RNF14: variants seen among roughly 807,000 people sequenced by gnomAD.
RNF14 encodes the protein ring finger protein 14.
RNF14 carries 26 observed loss-of-function variants against 52.6 expected under a neutral mutation model. That is an observed-to-expected ratio of 0.49 (90% CI 0.36 to 0.69). The LOEUF is 0.69. Among genes scored for constraint, RNF14 ranks in the 30% least tolerant of loss-of-function variants. The pLI is 0.00. For missense variants in RNF14, 404 were observed against 560.4 expected, an observed-to-expected ratio of 0.72 and a Z score of 2.82; for synonymous variants, 194 against 202.0, an observed-to-expected ratio of 0.96 and a Z score of 0.34.
At chr5:141,952,927 C>T in the RNF14 span, 1 of 152,230 alleles carries the variant, frequency 6.6e-6, no homozygotes, top group Non-Finnish European at 1.5e-5. Flanking sequence ...AAGTGTCAAC[C>T]TCAGAGGAGA....
chr5:141,970,552 C>T (rs1263353528), intron 1 of RNF14, 152 bp from the exon 2 acceptor site: 6 of 152,218 alleles, frequency 3.9e-5, no homozygotes, highest in African/African-American at 1.4e-4. Flanking sequence ...AACCACATGG[C>T]TCAGTTAGCC....
At chr5:141,984,675 T>C in intron 7 of RNF14, 128 bp from the exon 8 acceptor site, 3 of 754,234 alleles carry the variant, frequency 4.0e-6, no homozygotes, top group East Asian at 5.1e-5. Context: ...GTGTGTTACA[T>C]TGATATCTCA....
chr5:141,957,998 T>G (rs910227695), upstream of RNF14: 2 of 916,454 alleles, frequency 2.2e-6, no homozygotes, highest in East Asian at 5.2e-5. This position sits in a 1 kb window ranked among gnomAD's most constrained non-coding sequence, Gnocchi z 4.3. Flanking sequence ...GTTAGATGAT[T>G]ATGAAACAAG....
At chr5:141,956,102 A>G, upstream of RNF14, 1 of 1,614,114 alleles carries the variant, frequency 6.2e-7, no homozygotes, top group Non-Finnish European at 8.5e-7. Context: ...TGGCCTGTGG[A>G]GGCATTCACA....
In RNF14 at chr5:141,987,800, G is replaced by C. The variant is rs1451504877; in HGVS notation, c.*10G>C. 6.2e-7 allele frequency: 1 copy of C among 1,611,890 alleles called. No individual in the cohort carries two copies. Among genetic ancestry groups the C allele is most frequent in the Non-Finnish European group, 8.5e-7 (1 of 1,179,054 alleles). Reference sequence around the variant, plus strand: ...TGAGGTAGAAGACTAGTTAACTACTGCTCAAGATATGGAAGTGGATTGTTT... The same window carrying C: ...TGAGGTAGAAGACTAGTTAACTACTCCTCAAGATATGGAAGTGGATTGTTT... On this transcript the variant is annotated 3_prime_UTR_variant, in exon 9 of 9. Transcript: ENST00000394520.
At chr5:141,958,408 G>C (rs1325276356) in exon 1 of RNF14, 1 of 153,964 alleles carries the variant, frequency 6.5e-6, no homozygotes, top group Non-Finnish European at 1.4e-5. Flanking sequence ...GAGGGAAAGG[G>C]AGCCTCTGCA....
chr5:141,959,728 C>A (rs535518757), intron 1 of RNF14, among the ~76,000 whole-genome samples: 1 of 152,102 alleles, frequency 6.6e-6, no homozygotes, highest in Non-Finnish European at 1.5e-5. Flanking sequence ...TGAGGTTTCC[C>A]AACTATTTCA....
rs376623642 is a variant in RNF14, at chr5:141,978,678, C to G, written c.682C>G (p.Leu228Val). Residue 228 changes from leucine (L) to valine (V), a missense_variant, in exon 5 of 9, where the codon CTG (leucine) becomes GTG (valine). Coordinates refer to ENST00000394520, the MANE Select transcript of RNF14 (RefSeq NM_004290.5). ...GTGCAGTATCTGTTTCTGTGAGAAG[C>G]TGGGTAGTGAATGCATGTACTTCTT... ...FLCSICFCEKLGSECMYFLEC... is the reference protein window; with the variant it reads ...FLCSICFCEKVGSECMYFLEC... 5.6e-6 allele frequency: 9 copies of G among 1,613,974 alleles called. No homozygotes were observed. The highest frequency in any genetic ancestry group is 7.6e-6 in the Non-Finnish European group (9 of 1,179,870).
chr5:141,956,778 G>A, upstream of RNF14: 1 of 1,614,214 alleles, frequency 6.2e-7, no homozygotes, highest in South Asian at 1.1e-5. Flanking sequence ...GTGATGGCTG[G>A]GAGGCCCATG....
chr5:141,987,622 G>A lies in RNF14; in HGVS notation c.1368-111G>A, dbSNP rs1755355564. On this transcript the variant is annotated intron_variant, in intron 8 of 8. Coordinates refer to ENST00000394520, the MANE Select transcript of RNF14 (RefSeq NM_004290.5). ...CCTCAGTGCAATGATTAAAGGAGAA[G>A]AAAAGATGTACAAAGATGTTATAAG... 2.9e-6 allele frequency: 3 copies of A among 1,041,732 alleles called. No individual in the cohort carries two copies. The East Asian group carries it at 7.3e-5, about 25-fold the overall frequency. 64.5% of individuals were successfully genotyped at this position (1,041,732 alleles called of 1,614,324 possible). A position where few individuals can be genotyped will look rare whatever the true frequency, so the allele number is the denominator to read the frequency against.
At chr5:141,956,591 C>T (rs1339252501), upstream of RNF14, 2 of 1,614,104 alleles carry the variant, frequency 1.2e-6, no homozygotes, top group Non-Finnish European at 1.7e-6. Flanking sequence ...GGCCACTGCT[C>T]TCTGTCCAGT....
chr5:141,957,915 C>T, upstream of RNF14: 1 of 1,540,352 alleles, frequency 6.5e-7, no homozygotes, highest in Non-Finnish European at 8.7e-7. This position sits in a 1 kb window ranked among gnomAD's most constrained non-coding sequence, Gnocchi z 4.3. Flanking sequence ...GACAAGTCCT[C>T]CAGTGTTTCC....
At chr5:141,962,771 A>G (rs1443993818), upstream of RNF14, among the ~76,000 whole-genome samples, 1 of 152,232 alleles carries the variant, frequency 6.6e-6, no homozygotes, top group East Asian at 1.9e-4. Flanking sequence ...TAACCATAAC[A>G]TGGACCCAAA....
chr5:141,957,005 G>A, upstream of RNF14: 1 of 1,614,190 alleles, frequency 6.2e-7, no homozygotes, highest in Non-Finnish European at 8.5e-7. The surrounding 1 kb of genome is among the most constrained non-coding windows in gnomAD (Gnocchi z 4.3). Context: ...TGCTTACTGA[G>A]GAAGAACTCC....
At chr5:141,979,305 A>G (rs904155665) in intron 5 of RNF14, among the ~76,000 whole-genome samples, 1 of 152,148 alleles carries the variant, frequency 6.6e-6, no homozygotes, top group African/African-American at 2.4e-5. Flanking sequence ...GATGGAGTGC[A>G]GGGGCATGAT....
chr5:141,956,786 A>G (rs748294504), upstream of RNF14: 22 of 1,614,156 alleles, frequency 1.4e-5, no homozygotes, highest in Admixed American at 3.2e-4. Flanking sequence ...TGGGAGGCCC[A>G]TGTGACGTGG....
upstream of RNF14, chr5:141,963,325 T>C (rs1404900017): frequency 4.6e-5 from 7 of 151,586 alleles, no homozygotes; most frequent in East Asian, 1.3e-3. Flanking sequence ...TTAGTATAAA[T>C]ATTTTAATCT....
chr5:141,975,690 T>C (rs992176449), intron 4 of RNF14, among the ~76,000 whole-genome samples: 21 of 152,260 alleles, frequency 1.4e-4, no homozygotes, highest in Middle Eastern at 6.8e-3. Flanking sequence ...GAAGTCATAA[T>C]GAAGATCAAT....
chr5:141,959,833 A>C (rs1400144966), intron 1 of RNF14, among the ~76,000 whole-genome samples: 1 of 152,150 alleles, frequency 6.6e-6, no homozygotes, highest in Non-Finnish European at 1.5e-5. Context: ...AAGCTCTGAG[A>C]CACTGCACAA....
Sources: allele counts gnomAD v4.1 joint callset (sites outside exome capture counted in the v4.1 genomes callset), GRCh38; gene constraint gnomAD v4.1.1; non-coding constraint Gnocchi (gnomAD v3.1); transcripts MANE v1.5; gene names NCBI Gene and HGNC (gene_info 2026-07-23, HGNC 2026-07-21).